FSHR: variants seen among roughly 807,000 people sequenced by gnomAD.
The protein encoded by FSHR is follicle-stimulating hormone receptor.
FSHR carries 46 observed loss-of-function variants against 52.1 expected under a neutral mutation model. The observed-to-expected ratio is 0.88, with a 90% CI of 0.70 to 1.13. FSHR has a LOEUF of 1.13. Among genes scored for constraint, FSHR ranks in the 50% most tolerant of loss-of-function variants. The pLI, the probability that FSHR is intolerant of heterozygous loss-of-function variation, is 0.00. For missense variants in FSHR, 964 were observed against 834.6 expected (o/e 1.16, Z -1.91); for synonymous variants, 399 against 309.6 (o/e 1.29, Z -3.03).
At chr2:49,091,565 G>A (rs1670608746) in intron 1 of FSHR, among the ~76,000 whole-genome samples, 2 of 151,560 alleles carry the variant, frequency 1.3e-5, no homozygotes, top group South Asian at 4.1e-4. Flanking sequence ...CCAAAGTGCT[G>A]GGATTACAGG....
At chr2:49,028,896 A>G (rs1263404487) in intron 2 of FSHR, among the ~76,000 whole-genome samples, 2 of 152,188 alleles carry the variant, frequency 1.3e-5, no homozygotes, top group Non-Finnish European at 2.9e-5. Context: ...ACTTGTTCTG[A>G]AAGTCCCTGA....
At chr2:49,064,087 T>TGC (rs1553340244) in intron 2 of FSHR, among the ~76,000 whole-genome samples, 4 of 151,874 alleles carry the variant, frequency 2.6e-5, no homozygotes, top group Admixed American at 6.6e-5. Context: ...TGTGTGTGTG[T>TGC]TTGCACATGC....
At chr2:49,023,129 GA>G (rs1363409740) in intron 2 of FSHR, among the ~76,000 whole-genome samples, 5 of 152,302 alleles carry the variant, frequency 3.3e-5, no homozygotes, top group African/African-American at 1.2e-4. Flanking sequence ...AGTTGGTTTA[GA>G]AAAATCTGCA....
intron 2 of FSHR, among the ~76,000 whole-genome samples, chr2:49,051,597 G>A (rs1668858061): frequency 6.6e-6 from 1 of 151,738 alleles, no homozygotes; most frequent in African/African-American, 2.4e-5. Flanking sequence ...TCCTTTTTCA[G>A]ATATATGTAT....
chr2:49,015,249 C>T (rs1007656335), intron 4 of FSHR, among the ~76,000 whole-genome samples: 2 of 152,216 alleles, frequency 1.3e-5, no homozygotes, highest in African/African-American at 4.8e-5. Flanking sequence ...CCATTCTGTT[C>T]ATTTAAATGC....
At chr2:49,002,893 A>G (rs943156625) in intron 4 of FSHR, among the ~76,000 whole-genome samples, 8 of 152,100 alleles carry the variant, frequency 5.3e-5, no homozygotes, top group Non-Finnish European at 1.2e-4. Flanking sequence ...ATCTGTGTCT[A>G]TGTGGCTCCT....
chr2:49,028,940 A>G (rs1668004880), intron 2 of FSHR, among the ~76,000 whole-genome samples: 1 of 152,166 alleles, frequency 6.6e-6, no homozygotes, highest in Non-Finnish European at 1.5e-5. Context: ...GTCCTACTCT[A>G]ATATCTAAGG....
chr2:49,072,590 GTAA>G (rs1465738920), intron 1 of FSHR, among the ~76,000 whole-genome samples: 1 of 152,064 alleles, frequency 6.6e-6, no homozygotes, highest in Non-Finnish European at 1.5e-5. Context: ...AGAAACATTG[GTAA>G]AATGAAAGAC....
intron 2 of FSHR, among the ~76,000 whole-genome samples, chr2:49,022,846 C>T (rs917440713): frequency 1.3e-5 from 2 of 152,156 alleles, no homozygotes; most frequent in African/African-American, 2.4e-5. Flanking sequence ...AGAGATGAGT[C>T]TCTCCTTTCC....
intron 2 of FSHR, among the ~76,000 whole-genome samples, chr2:49,028,601 A>G (rs532402192): frequency 6.6e-6 from 1 of 152,344 alleles, no homozygotes; most frequent in Non-Finnish European, 1.5e-5. Context: ...TCCTGGGAGC[A>G]TAGCTGGACT....
At chr2:48,964,587 G>A (rs963149188) in intron 9 of FSHR, among the ~76,000 whole-genome samples, 2 of 152,072 alleles carry the variant, frequency 1.3e-5, no homozygotes, top group Non-Finnish European at 2.9e-5. Flanking sequence ...GCCACAATAG[G>A]CCTCAGCATG....
chr2:49,085,103 A>C (rs1229590123), intron 1 of FSHR, among the ~76,000 whole-genome samples: 2 of 152,160 alleles, frequency 1.3e-5, no homozygotes, highest in African/African-American at 4.8e-5. Flanking sequence ...TCAATAAAAT[A>C]CTGGCAAACT....
At chr2:48,989,928 T>C (rs1174003419) in intron 5 of FSHR, among the ~76,000 whole-genome samples, 1 of 152,156 alleles carries the variant, frequency 6.6e-6, no homozygotes, top group African/African-American at 2.4e-5. Flanking sequence ...TTGGAACAAT[T>C]TGAGAAATTC....
chr2:48,979,697 G>A lies in FSHR; in HGVS notation c.668+3215C>T, dbSNP rs561892276. Among the ~76,000 whole-genome samples the A allele has an allele frequency of 3.3e-5, 5 of 152,288 alleles. No individual in the cohort carries two copies. The South Asian group carries it at 1.0e-3, about 32-fold the overall frequency. On this transcript the variant is annotated intron_variant, in intron 8 of 9. Transcript: ENST00000406846. ...CAGATCTCCCCATGGGATCAGCTGA[G>A]CCTTTTGTTGCAAATGCATTACCCT...
chr2:49,020,870 T>C (rs1158548108), intron 2 of FSHR, among the ~76,000 whole-genome samples: 1 of 152,134 alleles, frequency 6.6e-6, no homozygotes, highest in African/African-American at 2.4e-5. Context: ...TTCTCACTTA[T>C]AAGTGGGAGC....
chr2:48,991,019 A>G (rs1322308268), intron 4 of FSHR, among the ~76,000 whole-genome samples: 1 of 152,094 alleles, frequency 6.6e-6, no homozygotes, highest in African/African-American at 2.4e-5. Flanking sequence ...CTCCACTCCA[A>G]GCGATTCTCT....
chr2:49,069,186 C>T (rs943225879), intron 1 of FSHR, among the ~76,000 whole-genome samples: 1 of 151,994 alleles, frequency 6.6e-6, no homozygotes, highest in African/African-American at 2.4e-5. Context: ...TTCCATAGAC[C>T]CTGTATTCTC....
At chr2:49,001,479 C>A (rs1050511659) in intron 4 of FSHR, among the ~76,000 whole-genome samples, 5 of 152,096 alleles carry the variant, frequency 3.3e-5, no homozygotes, top group Non-Finnish European at 5.9e-5. Context: ...TGCCAAGCAG[C>A]AAACTTTTGA....
intron 2 of FSHR, among the ~76,000 whole-genome samples, chr2:49,028,068 G>T (rs149571795): frequency 2.1e-4 from 32 of 152,198 alleles, no homozygotes; most frequent in African/African-American, 6.7e-4. Context: ...GGTCGTTTGG[G>T]TTTCATGTGA....
Sources: gnomAD v4.1 joint callset for allele counts (sites outside exome capture counted in the v4.1 genomes callset) on GRCh38, gnomAD v4.1.1 for gene constraint, MANE v1.5 for transcripts, NCBI Gene and HGNC (gene_info 2026-07-23, HGNC 2026-07-21) for gene names.